The following ANO4 variants were observed in gnomAD, a reference collection of about 807,000 sequenced individuals.
ANO4 encodes the protein anoctamin-4.
Under a neutral mutation model 141.9 loss-of-function variants are expected in ANO4, and 69 were observed. The ratio of observed to expected loss-of-function variants is 0.49; its 90% CI spans 0.40 to 0.59. The LOEUF is 0.59. Among genes scored for constraint, ANO4 ranks in the 20% least tolerant of loss-of-function variants. The probability of loss-of-function intolerance (pLI) is 0.00; values close to 1 mark genes in which losing one functional copy is unlikely to be tolerated. For synonymous variants in ANO4, 350 were observed against 394.3 expected (o/e 0.89, Z 1.33); for missense variants, 894 against 1,162.2 (o/e 0.77, Z 3.36).
At chr12:101,085,171 T>G (rs2049436014) in intron 16 of ANO4, among the ~76,000 whole-genome samples, 1 of 152,210 alleles carries the variant, frequency 6.6e-6, no homozygotes. Context: ...AATCTCTAAA[T>G]CAGCAGAGGC....
At chr12:101,022,171 G>A (rs1000354357) in intron 9 of ANO4, among the ~76,000 whole-genome samples, 1 of 152,072 alleles carries the variant, frequency 6.6e-6, no homozygotes, top group Non-Finnish European at 1.5e-5. Context: ...GAGAGTCAAT[G>A]TATGGGGGTA....
chr12:100,724,786 G>T (rs1236046003), intron 1 of ANO4, among the ~76,000 whole-genome samples: 2 of 152,198 alleles, frequency 1.3e-5, no homozygotes, highest in Non-Finnish European at 2.9e-5. Context: ...AGGAGATAGA[G>T]ATTACCCAGC....
intron 1 of ANO4, among the ~76,000 whole-genome samples, chr12:100,814,008 C>T (rs568969884): frequency 1.3e-5 from 2 of 152,260 alleles, no homozygotes; most frequent in East Asian, 3.9e-4. Context: ...GCTCTTGCAT[C>T]GACCTCAAGT....
intron 26 of ANO4, among the ~76,000 whole-genome samples, chr12:101,125,258 C>A (rs2051260639): frequency 6.6e-6 from 1 of 152,066 alleles, no homozygotes; most frequent in Non-Finnish European, 1.5e-5. Context: ...CATGATTTGG[C>A]TTTCTGCTTG....
At chr12:100,903,248 G>A (rs1356379125) in intron 2 of ANO4, among the ~76,000 whole-genome samples, 1 of 152,094 alleles carries the variant, frequency 6.6e-6, no homozygotes, top group Admixed American at 6.5e-5. Context: ...CAACCCACTT[G>A]TTTCCCAAAC....
At chr12:101,026,225 C>T (rs547478405) in intron 9 of ANO4, among the ~76,000 whole-genome samples, 1 of 152,276 alleles carries the variant, frequency 6.6e-6, no homozygotes, top group South Asian at 2.1e-4. Flanking sequence ...TTCTCTCAAT[C>T]TGCAACAAAC....
chr12:101,028,835 A>G (rs746286521), intron 9 of ANO4, among the ~76,000 whole-genome samples: 3 of 152,200 alleles, frequency 2.0e-5, no homozygotes, highest in East Asian at 3.8e-4. Context: ...AGAGAACACC[A>G]CTAAAGTACT....
chr12:100,999,607 T>G (rs1260025660), intron 8 of ANO4, among the ~76,000 whole-genome samples: 2 of 152,070 alleles, frequency 1.3e-5, no homozygotes, highest in Non-Finnish European at 1.5e-5. Flanking sequence ...CTATCACAGC[T>G]GTACAAATTT....
intron 8 of ANO4, among the ~76,000 whole-genome samples, chr12:101,001,281 T>G (rs1213605345): frequency 6.6e-6 from 1 of 152,208 alleles, no homozygotes; most frequent in Non-Finnish European, 1.5e-5. Context: ...GTAGTCACAC[T>G]GTGCATTAAG....
intron 8 of ANO4, among the ~76,000 whole-genome samples, chr12:101,002,407 C>CT (rs890627512): frequency 6.6e-6 from 1 of 152,214 alleles, no homozygotes; most frequent in African/African-American, 2.4e-5. Context: ...TGCTTAACAG[C>CT]TTTTAATGAT....
intron 1 of ANO4, among the ~76,000 whole-genome samples, chr12:100,838,981 A>C (rs1028774035): frequency 3.3e-5 from 5 of 152,212 alleles, no homozygotes; most frequent in Admixed American, 3.3e-4. Context: ...CAGGTTCCCT[A>C]TCTTGCCTTG....
chr12:101,107,927 T>G (rs1392411337), intron 22 of ANO4, among the ~76,000 whole-genome samples: 1 of 152,078 alleles, frequency 6.6e-6, no homozygotes, highest in Non-Finnish European at 1.5e-5. Flanking sequence ...TGAAGAGTAA[T>G]TGTCAGGACT....
At chr12:101,094,068 T>G (rs2049882774) in intron 17 of ANO4, among the ~76,000 whole-genome samples, 188 bp from the exon 18 acceptor site, 1 of 152,090 alleles carries the variant, frequency 6.6e-6, no homozygotes, top group Non-Finnish European at 1.5e-5. Flanking sequence ...CCCTGAAAAT[T>G]ACGCTAATCT....
intron 1 of ANO4, among the ~76,000 whole-genome samples, chr12:100,820,707 T>TC (rs2036002540): frequency 6.6e-6 from 1 of 152,058 alleles, no homozygotes; most frequent in Admixed American, 6.6e-5. Flanking sequence ...CTGAACTACC[T>TC]CCACCAGTGG....
chr12:100,934,454 T>C (rs2042204961), intron 3 of ANO4, among the ~76,000 whole-genome samples: 1 of 152,228 alleles, frequency 6.6e-6, no homozygotes, highest in African/African-American at 2.4e-5. Flanking sequence ...TCCATTGGTC[T>C]ATATTTTGGT....
intron 5 of ANO4, among the ~76,000 whole-genome samples, chr12:100,968,459 A>G (rs913885860): frequency 5.9e-5 from 9 of 151,758 alleles, no homozygotes; most frequent in Admixed American, 2.6e-4. Flanking sequence ...TAATTCAGTG[A>G]CTCTATCACA....
At chr12:101,063,969 C>A (rs1274252658) in intron 14 of ANO4, among the ~76,000 whole-genome samples, 1 of 151,374 alleles carries the variant, frequency 6.6e-6, no homozygotes, top group African/African-American at 2.4e-5. Flanking sequence ...TTTTAAAGAA[C>A]CAGCTTTTGG....
intron 22 of ANO4, among the ~76,000 whole-genome samples, chr12:101,104,668 T>C (rs1177761219): frequency 1.7e-5 from 1 of 58,932 alleles, no homozygotes; most frequent in Non-Finnish European, 2.9e-5. Flanking sequence ...TATATATATA[T>C]ATAAATAAAA....
chr12:100,920,362 C>A (rs1403611660), intron 2 of ANO4, among the ~76,000 whole-genome samples: 1 of 152,008 alleles, frequency 6.6e-6, no homozygotes, highest in Non-Finnish European at 1.5e-5. Context: ...AAGATTAAAG[C>A]CTAAATGATA....
Sources: allele counts gnomAD v4.1 joint callset (sites outside exome capture counted in the v4.1 genomes callset), GRCh38; gene constraint gnomAD v4.1.1; transcripts MANE v1.5; gene names NCBI Gene and HGNC (gene_info 2026-07-23, HGNC 2026-07-21).